ZNF714: variants seen among roughly 807,000 people sequenced by gnomAD.
ZNF714 encodes zinc finger protein 714.
In ZNF714, 32 loss-of-function variants were observed where a neutral mutation model predicts 46.2. That is an observed-to-expected ratio of 0.69 (90% confidence interval 0.52 to 0.93). The LOEUF is 0.93. Ranked by LOEUF, ZNF714 falls within the 40% of genes least tolerant of loss-of-function variation. The pLI is 0.00. For missense variants in ZNF714, 635 were observed against 646.3 expected, an observed-to-expected ratio of 0.98 and a Z score of 0.19; for synonymous variants, 199 against 213.1, an observed-to-expected ratio of 0.93 and a Z score of 0.58.
At chr19:21,093,778 C>T (rs1204383902) in intron 2 of ZNF714, among the ~76,000 whole-genome samples, 1 of 151,612 alleles carries the variant, frequency 6.6e-6, no homozygotes, top group East Asian at 2.0e-4. Context: ...TACAAGCATG[C>T]ACCACCATAC....
At chr19:21,115,735 T>A (rs1029409876) in intron 4 of ZNF714, among the ~76,000 whole-genome samples, 4 of 151,958 alleles carry the variant, frequency 2.6e-5, no homozygotes, top group African/African-American at 7.2e-5. Flanking sequence ...GTTATAAATA[T>A]CTTTGTGTGT....
In ZNF714 at chr19:21,124,282, C is replaced by A. The variant is rs777965842; in HGVS notation, c.*5950C>A. ...TATTTGACACATTCTTATTCTATAA[C>A]ATTTTGAAAATATTTTCTCTTGACA... On this transcript the variant is annotated 3_prime_UTR_variant, in exon 5 of 5. Transcript: ENST00000456283. 1 of 152,126 alleles carries A rather than the reference C, an allele frequency of 6.6e-6. No individual in the cohort carries two copies. Among genetic ancestry groups the A allele is most frequent in the Non-Finnish European group, 1.5e-5 (1 of 68,034 alleles). The allele number at this position is 152,126 out of a possible 1,614,324, so 9.4% of individuals were successfully genotyped here. A position where few individuals can be genotyped will look rare whatever the true frequency, so the allele number is the denominator to read the frequency against.
rs989818675 is a variant in ZNF714 at position 21,117,088 on chromosome 19, G to A, written c.424G>A (p.Glu142Lys). The A allele has an allele frequency of 6.8e-6, 11 of 1,613,410 alleles. No homozygotes were observed. The African/African-American group carries it at 1.1e-4, about 16-fold the overall frequency. The change falls in exon 5 of 5, where the codon GAG becomes AAG. Residue 142 changes from glutamate (E) to lysine (K), a missense_variant. Transcript: ENST00000456283. Reference protein sequence around the residue: ...SNRHKTRHTGEKPFKCKKCDE... With the variant: ...SNRHKTRHTGKKPFKCKKCDE... ...TAGACACAAGACAAGACATACTGGA[G>A]AGAAACCTTTCAAATGTAAAAAATG...
In ZNF714 at chr19:21,122,127, G is replaced by T. The variant is rs1271713938; in HGVS notation, c.*3795G>T. On this transcript the variant is annotated 3_prime_UTR_variant, in exon 5 of 5. Coordinates refer to ENST00000456283, the MANE Select transcript of ZNF714 (RefSeq NM_182515.4). Reference sequence around the variant, plus strand: ...TTTATTTATTGAGTCAATTTGTTCAGGTAAGTACTGGGGGGCTTCATAAGT... The same window carrying T: ...TTTATTTATTGAGTCAATTTGTTCATGTAAGTACTGGGGGGCTTCATAAGT... 1.3e-5 allele frequency: 2 copies of T among 151,998 alleles called. No individual in the cohort carries two copies. Among genetic ancestry groups the T allele is most frequent in the Non-Finnish European group, 2.9e-5 (2 of 68,012 alleles). The allele number at this position is 151,998 out of a possible 1,614,324, so 9.4% of individuals were successfully genotyped here. A position where few individuals can be genotyped will look rare whatever the true frequency, so the allele number is the denominator to read the frequency against.
chr19:21,104,796 A>G (rs1224459446), intron 4 of ZNF714, among the ~76,000 whole-genome samples: 1 of 151,466 alleles, frequency 6.6e-6, no homozygotes, highest in Non-Finnish European at 1.5e-5. Context: ...TATTTTTAGT[A>G]GAAACGGGGG....
At chr19:21,101,020 T>C (rs1396553170) in intron 4 of ZNF714, among the ~76,000 whole-genome samples, 1 of 152,158 alleles carries the variant, frequency 6.6e-6, no homozygotes, top group Non-Finnish European at 1.5e-5. Flanking sequence ...TTTAGACAAA[T>C]TTTAATGTAC....
intron 4 of ZNF714, among the ~76,000 whole-genome samples, chr19:21,106,377 G>T (rs574599218): frequency 5.3e-5 from 8 of 152,052 alleles, no homozygotes; most frequent in African/African-American, 1.7e-4. Context: ...AGACCAGCCT[G>T]ACCAACATGG....
At position 21,118,324 on chromosome 19, in the gene ZNF714, C is replaced by T. The variant is rs1291832714; in HGVS notation, c.1660C>T (p.Arg554Cys). 21 of 823,332 alleles carry T rather than the reference C, an allele frequency of 2.6e-5. No homozygotes were observed. Among genetic ancestry groups the T allele is most frequent in the African/African-American group, 3.5e-5 (2 of 57,672 alleles). 51.0% of individuals were successfully genotyped at this position (823,332 alleles called of 1,614,324 possible). A position where few individuals can be genotyped will look rare whatever the true frequency, so the allele number is the denominator to read the frequency against. ...AAAATTTGCTGGGTGTGGTGGCAGGCGCCTGTAATCCCAGCTACTTGGGAG... is the reference window on the plus strand; with the variant it reads ...AAAATTTGCTGGGTGTGGTGGCAGGTGCCTGTAATCCCAGCTACTTGGGAG... ...IQKFAGCGGR[R>C]L is the part of the protein sequence containing the mutation. Residue 554 changes from arginine (R) to cysteine (C), a missense_variant, in exon 5 of 5, where the codon CGC (arginine) becomes TGC (cysteine). Arg to Cys is a radical substitution (Grantham distance 180). Coordinates refer to ENST00000456283, the MANE Select transcript of ZNF714 (RefSeq NM_182515.4).
chr19:21,114,372 C>A (rs1389639947), intron 4 of ZNF714, among the ~76,000 whole-genome samples: 2 of 143,434 alleles, frequency 1.4e-5, no homozygotes, highest in African/African-American at 5.2e-5. Context: ...GGAGATGGAG[C>A]TTGCAGTGAG....
chr19:21,105,026 C>CTTTTTTTTT (rs34750232), intron 4 of ZNF714, among the ~76,000 whole-genome samples: 2 of 129,766 alleles, frequency 1.5e-5, no homozygotes, highest in African/African-American at 5.8e-5. Context: ...TCATTTCTTT[C>CTTTTTTTTT]TTTTTTTTTT....
At chr19:21,089,781 C>A (rs1478321567) in intron 2 of ZNF714, among the ~76,000 whole-genome samples, 1 of 150,050 alleles carries the variant, frequency 6.7e-6, no homozygotes, top group African/African-American at 2.4e-5. Flanking sequence ...TTAAGACTAA[C>A]CTCACAAATG....
chr19:21,113,356 TTTTGTTTGTTTGTTTG>T (rs56718263), intron 4 of ZNF714: 1 of 149,404 alleles, frequency 6.7e-6, no homozygotes, highest in Non-Finnish European at 1.5e-5. Flanking sequence ...TTTGTTTTGT[TTTTGTTTGTTTGTTTG>T]TTTGTTTGTT....
rs576419414 is a variant in ZNF714, at chr19:21,118,108, A to G, written c.1444A>G (p.Lys482Glu). 1 of 1,613,968 alleles carries G rather than the reference A, an allele frequency of 6.2e-7. No individual in the cohort carries two copies. Among genetic ancestry groups the G allele is most frequent in the African/African-American group, 1.3e-5 (1 of 75,058 alleles). ...NIIHTGEKSYKCEECGKAFNQ... is the reference protein window; with the variant it reads ...NIIHTGEKSYECEECGKAFNQ... ...AATTCATACTGGAGAGAAATCTTAC[A>G]AATGTGAAGAATGTGGTAAAGCCTT... The change falls in exon 5 of 5, where the codon AAA becomes GAA. Residue 482 changes from lysine (K) to glutamate (E), a missense_variant. Coordinates refer to ENST00000456283, the MANE Select transcript of ZNF714 (RefSeq NM_182515.4).
chr19:21,084,915 C>T (rs117964950), intron 2 of ZNF714, among the ~76,000 whole-genome samples: 147 of 151,918 alleles, frequency 9.7e-4, no homozygotes, highest in East Asian at 3.7e-3. Context: ...CCACCACGCC[C>T]GGCCAGCAGG....
intron 2 of ZNF714, among the ~76,000 whole-genome samples, chr19:21,094,085 G>T (rs1968984270): frequency 6.6e-6 from 1 of 152,156 alleles, no homozygotes; most frequent in Non-Finnish European, 1.5e-5. Context: ...CTGTCTCCTG[G>T]GTTCAAACGA....
At chr19:21,099,164 GT>G (rs982021938) in intron 4 of ZNF714, among the ~76,000 whole-genome samples, 3 of 150,676 alleles carry the variant, frequency 2.0e-5, no homozygotes, top group African/African-American at 4.9e-5. Context: ...GAAAAACACT[GT>G]TTTTTTTTGT....
rs201844494 is a variant in ZNF714 at position 21,114,177 on chromosome 19, G to A, written c.143-2630G>A. Among the ~76,000 whole-genome samples the A allele has an allele frequency of 3.3e-5, 5 of 152,076 alleles. No individual in the cohort carries two copies. In the East Asian group the frequency reaches 9.7e-4, roughly 29 times the overall value. ...TTGCAGGCTGGGCTCGGTGGCTCAC[G>A]CCTGTAATCCCAGCACTTTGGGAGG... On this transcript the variant is annotated intron_variant, in intron 4 of 4. Transcript: ENST00000456283.
At chr19:21,082,431 C>T (rs965782313) in intron 1 of ZNF714, 83 bp downstream of exon 1, 7 of 1,332,826 alleles carry the variant, frequency 5.3e-6, no homozygotes, top group Middle Eastern at 2.1e-4. Context: ...GGGACTTAGG[C>T]CTCCCCGCAG....
chr19:21,118,157 A>G lies in ZNF714; in HGVS notation c.1493A>G (p.Lys498Arg). Residue 498 changes from lysine (K) to arginine (R), a missense_variant, in exon 5 of 5, where the codon AAA (lysine) becomes AGA (arginine). Transcript: ENST00000456283. ...KAFNQSSTLTKHRKIQQGMVA... is the reference protein window; with the variant it reads ...KAFNQSSTLTRHRKIQQGMVA... ...TTTAACCAATCCTCAACTCTTACTA[A>G]ACATAGGAAAATTCAGCAGGGCATG... is the stretch of plus-strand genomic sequence containing the variant. 6.2e-7 allele frequency: 1 copy of G among 1,613,478 alleles called. No homozygotes were observed. The highest frequency in any genetic ancestry group is 8.5e-7 in the Non-Finnish European group (1 of 1,179,674).
Sources: gnomAD v4.1 joint callset for allele counts (sites outside exome capture counted in the v4.1 genomes callset) on GRCh38, gnomAD v4.1.1 for gene constraint, MANE v1.5 for transcripts, NCBI Gene and HGNC (gene_info 2026-07-23, HGNC 2026-07-21) for gene names.